Variants in TMEM185B observed in about 807,000 individuals in gnomAD.
The protein encoded by TMEM185B is ee3_2.
TMEM185B carries 9 observed loss-of-function variants against 26.2 expected under a neutral mutation model. The observed-to-expected ratio is 0.34, with a 90% CI of 0.21 to 0.60. The LOEUF (loss-of-function observed/expected upper bound fraction) is 0.60. Ranked by LOEUF, TMEM185B falls within the 20% of genes least tolerant of loss-of-function variation. The pLI, the probability that TMEM185B is intolerant of heterozygous loss-of-function variation, is 0.80. For synonymous variants in TMEM185B, 204 were observed against 191.8 expected (o/e 1.06, Z -0.52); for missense variants, 392 against 447.9 (o/e 0.88, Z 1.13).
In TMEM185B at chr2:120,217,734, C is replaced by T. The variant is rs532147713; in HGVS notation, c.*4190G>A. ...CCACGTGGGGTTGGGAAAGGAAGGA[C>T]CTTGAGGACCCTCAGGGGTCCTTGG... On this transcript the variant is annotated 3_prime_UTR_variant, in exon 1 of 1. Coordinates refer to ENST00000426077, the MANE Select transcript of TMEM185B (RefSeq NM_024121.3). Among the ~76,000 whole-genome samples the T allele has an allele frequency of 6.6e-6, 1 of 152,160 alleles. No homozygotes were observed.
In TMEM185B at chr2:120,219,081, G is replaced by A. The variant is rs940780658; in HGVS notation, c.*2843C>T. On this transcript the variant is annotated 3_prime_UTR_variant, in exon 1 of 1. Coordinates refer to ENST00000426077, the MANE Select transcript of TMEM185B (RefSeq NM_024121.3). The stretch of plus-strand genomic sequence containing the variant: ...TGCTTCAACCAGGGACCCAGAATAC[G>A]GGACATGTTGTGGAGCAGACGTGAT... 6.6e-6 allele frequency among the ~76,000 whole-genome samples: 1 copy of A among 152,182 alleles called. No individual in the cohort carries two copies. Among genetic ancestry groups the A allele is most frequent in the Non-Finnish European group, 1.5e-5 (1 of 68,042 alleles).
rs1386936936 is a variant in TMEM185B at position 120,222,213 on chromosome 2, A to G, written c.764T>C (p.Leu255Pro). Residue 255 changes from leucine (L) to proline (P), a missense_variant, in exon 1 of 1, where the codon CTA (leucine) becomes CCA (proline). Transcript: ENST00000426077. The stretch of plus-strand genomic sequence containing the variant: ...CCTAAATGTTGTGGCCATTAAAGTT[A>G]GTAAGGAAAGCCAAAGGGGGACAAA... ...SIFVPLWLSL[L>P]TLMATTFRRK... 9 of 1,539,166 alleles carry G rather than the reference A, an allele frequency of 5.8e-6. No homozygotes were observed. Among genetic ancestry groups the G allele is most frequent in the Admixed American group, 2.0e-5 (1 of 51,188 alleles).
rs957615359 is a variant in TMEM185B, at chr2:120,223,247, G to T, written c.-271C>A. 61 of 274,352 alleles carry T rather than the reference G, an allele frequency of 2.2e-4. No homozygotes were observed. Among genetic ancestry groups the T allele is most frequent in the African/African-American group, 1.2e-3 (56 of 45,278 alleles). 17.0% of individuals were successfully genotyped at this position (274,352 alleles called of 1,614,324 possible). ...GCGGTTACAAACTGGGCGCTGCCTC[G>T]GTCCCGCCGCCGCCCGCGTTCACTC... is the stretch of plus-strand genomic sequence containing the variant. On this transcript the variant is annotated 5_prime_UTR_variant, in exon 1 of 1. Transcript: ENST00000426077.
Position 120,220,370 on chromosome 2 carries a change from C to T in TMEM185B, c.*1554G>A, listed in dbSNP as rs1027566433. Among the ~76,000 whole-genome samples the T allele has an allele frequency of 6.6e-6, 1 of 152,196 alleles. No homozygotes were observed. The highest frequency in any genetic ancestry group is 1.5e-5 in the Non-Finnish European group (1 of 68,032). ...CTCCTTTCGAAAGTATTTATTTGTT[C>T]TCAAACATTACTCTTGCAGGATCCA... On this transcript the variant is annotated 3_prime_UTR_variant, in exon 1 of 1. Transcript: ENST00000426077.
chr2:120,217,674 G>A lies in TMEM185B; in HGVS notation c.*4250C>T, dbSNP rs138531493. Among the ~76,000 whole-genome samples, 86 of 152,282 alleles carry A rather than the reference G, an allele frequency of 5.6e-4. 2 individuals are homozygous for A. The highest frequency in any genetic ancestry group is 2.0e-3 in the African/African-American group (83 of 41,548). ...CATCCTCATAGCTGCTTCCGCCTTC[G>A]GTCTGTTGCAGTATGGTATCCTGAC... On this transcript the variant is annotated 3_prime_UTR_variant, in exon 1 of 1. Coordinates refer to ENST00000426077, the MANE Select transcript of TMEM185B (RefSeq NM_024121.3).
In TMEM185B at chr2:120,218,304, C is replaced by T. The variant is rs562534751; in HGVS notation, c.*3620G>A. ...GCAGCAGGGGTGCAGCTGGAGGCTC[C>T]CTTTTTGTGGGTGTCATGCTGTCAG... is the stretch of plus-strand genomic sequence containing the variant. On this transcript the variant is annotated 3_prime_UTR_variant, in exon 1 of 1. Coordinates refer to ENST00000426077, the MANE Select transcript of TMEM185B (RefSeq NM_024121.3). Among the ~76,000 whole-genome samples, 22 of 152,266 alleles carry T rather than the reference C, an allele frequency of 1.4e-4. No individual in the cohort carries two copies. The highest frequency in any genetic ancestry group is 5.3e-4 in the African/African-American group (22 of 41,554).
In TMEM185B at chr2:120,219,382, T is replaced by C. The variant is rs1235380473; in HGVS notation, c.*2542A>G. Among the ~76,000 whole-genome samples, 1 of 152,218 alleles carries C rather than the reference T, an allele frequency of 6.6e-6. No homozygotes were observed. The highest frequency in any genetic ancestry group is 1.5e-5 in the Non-Finnish European group (1 of 68,040). On this transcript the variant is annotated 3_prime_UTR_variant, in exon 1 of 1. Coordinates refer to ENST00000426077, the MANE Select transcript of TMEM185B (RefSeq NM_024121.3). ...CACTTCTGTTTTTACCTAATGGTCC[T>C]GACAGCGGATGGCCTACCTGGTGAG...
rs751962594 is a variant in TMEM185B at position 120,221,956 on chromosome 2, G to A, written c.1021C>T (p.Pro341Ser). 6.3e-5 allele frequency: 96 copies of A among 1,533,976 alleles called. No homozygotes were observed. Among genetic ancestry groups the A allele is most frequent in the Non-Finnish European group, 7.7e-5 (88 of 1,146,172 alleles). ...TQSPGKYVPP[P>S]PKLNIDMPD ...GGCATATCAATATTTAACTTGGGAG[G>A]GGGGGGAACGTATTTCCCAGGGCTC... Residue 341 changes from proline to serine, a missense_variant, in exon 1 of 1, where the codon CCT (proline) becomes TCT (serine). Around this residue, in one of 3 missense-constraint regions of TMEM185B, gnomAD observed 176 missense variants for 201.6 expected, o/e 0.87. Coordinates refer to ENST00000426077, the MANE Select transcript of TMEM185B (RefSeq NM_024121.3).
Position 120,223,089 on chromosome 2 carries a change from G to C in TMEM185B, c.-113C>G. 1 of 751,908 alleles carries C rather than the reference G, an allele frequency of 1.3e-6. No individual in the cohort carries two copies. The highest frequency in any genetic ancestry group is 1.8e-6 in the Non-Finnish European group (1 of 541,474). 46.6% of individuals were successfully genotyped at this position (751,908 alleles called of 1,614,324 possible). A position where few individuals can be genotyped will look rare whatever the true frequency, so the allele number is the denominator to read the frequency against. ...CGGGCCCCGCCCAAGCCGGCTCCGCGTGGACGAATGCCGGGACGACCAGGA... is the reference window on the plus strand; with the variant it reads ...CGGGCCCCGCCCAAGCCGGCTCCGCCTGGACGAATGCCGGGACGACCAGGA... On this transcript the variant is annotated 5_prime_UTR_variant, in exon 1 of 1. Coordinates refer to ENST00000426077, the MANE Select transcript of TMEM185B (RefSeq NM_024121.3).
Sources: gnomAD v4.1 joint callset for allele counts (sites outside exome capture counted in the v4.1 genomes callset) on GRCh38, gnomAD v4.1.1 for gene constraint, gnomAD v4.1.1 regional missense constraint, MANE v1.5 for transcripts, NCBI Gene and HGNC (gene_info 2026-07-23, HGNC 2026-07-21) for gene names.